The following GSK3B variants were observed in gnomAD, a reference collection of about 807,000 sequenced individuals.
GSK3B encodes the protein glycogen synthase kinase 3 beta.
A neutral mutation model predicts 56.4 loss-of-function variants in GSK3B; 15 were observed. That is an observed-to-expected ratio of 0.27 (90% CI 0.18 to 0.41). The LOEUF (loss-of-function observed/expected upper bound fraction) is 0.41. Among genes scored for constraint, GSK3B ranks in the 10% least tolerant of loss-of-function variants. The pLI is 1.00. For synonymous variants in GSK3B, 181 were observed against 188.9 expected (o/e 0.96, Z 0.34); for missense variants, 300 against 513.4 (o/e 0.58, Z 4.02).
At chr3:120,003,842 G>A (rs905759505) in intron 1 of GSK3B, among the ~76,000 whole-genome samples, 1 of 152,228 alleles carries the variant, frequency 6.6e-6, no homozygotes, top group Non-Finnish European at 1.5e-5. Context: ...GCAGAACACA[G>A]GTGATTTCTG....
intron 8 of GSK3B, among the ~76,000 whole-genome samples, chr3:119,865,466 A>T (rs28497238): frequency 0.016 from 552 of 34,124 alleles, 20 homozygotes; most frequent in East Asian, 0.029. Flanking sequence ...ATATATATAT[A>T]TTTTTTTTTT....
chr3:120,073,427 G>A, intron 1 of GSK3B, among the ~76,000 whole-genome samples: 1 of 151,906 alleles, frequency 6.6e-6, no homozygotes, highest in Non-Finnish European at 1.5e-5. Context: ...GCTCAAAACT[G>A]ATTTTGCAAT....
chr3:120,014,818 G>A (rs2057810103), intron 1 of GSK3B, among the ~76,000 whole-genome samples: 1 of 152,188 alleles, frequency 6.6e-6, no homozygotes, highest in East Asian at 1.9e-4. Context: ...CTGGCTTCCG[G>A]AGATGTTTAC....
intron 8 of GSK3B, among the ~76,000 whole-genome samples, chr3:119,864,104 C>T (rs1452779185): frequency 6.6e-6 from 1 of 152,018 alleles, no homozygotes; most frequent in Admixed American, 6.6e-5. Flanking sequence ...GTATTATTTC[C>T]AATAAACAGA....
At chr3:119,968,529 C>CA (rs2057339301) in intron 2 of GSK3B, among the ~76,000 whole-genome samples, 1 of 152,114 alleles carries the variant, frequency 6.6e-6, no homozygotes, top group Non-Finnish European at 1.5e-5. Flanking sequence ...ATCACATCAA[C>CA]AAGCTAAGGA....
At position 120,093,487 on chromosome 3, in the gene GSK3B, T is replaced by G. The variant is rs200198483; in HGVS notation, c.-53A>C. The stretch of plus-strand genomic sequence containing the variant: ...CCTTCCTTCCTCCTTTTCTTCCTTT[T>G]GTCTTTATGTTGGGGTGTTAGGTTA... On this transcript the variant is annotated 5_prime_UTR_variant, in exon 1 of 11. Transcript: ENST00000264235. 2,173 of 1,184,782 alleles carry G rather than the reference T, an allele frequency of 1.8e-3. 3 individuals are homozygous for G. The highest frequency in any genetic ancestry group is 2.0e-3 in the Non-Finnish European group (1,613 of 790,024). The allele number at this position is 1,184,782 out of a possible 1,614,324, so 73.4% of individuals were successfully genotyped here.
intron 7 of GSK3B, among the ~76,000 whole-genome samples, chr3:119,904,408 A>C (rs1051869264): frequency 5.9e-5 from 9 of 152,234 alleles, no homozygotes; most frequent in Non-Finnish European, 1.3e-4. Flanking sequence ...AGGAAACTCA[A>C]AAATGGTACC....
intron 3 of GSK3B, among the ~76,000 whole-genome samples, chr3:119,929,917 A>AAATAAT (rs1559841358): frequency 3.8e-5 from 5 of 132,870 alleles, no homozygotes; most frequent in Non-Finnish European, 6.2e-5. Flanking sequence ...AAAAAAAAAA[A>AAATAAT]AATAATAATA....
intron 1 of GSK3B, among the ~76,000 whole-genome samples, chr3:120,053,876 C>T (rs892769306): frequency 1.2e-4 from 18 of 152,172 alleles, no homozygotes; most frequent in Admixed American, 1.0e-3. Context: ...ACCATGATTG[C>T]GAGGCCTTCC....
At chr3:119,927,800 T>C (rs2056902598) in intron 3 of GSK3B, among the ~76,000 whole-genome samples, 1 of 151,598 alleles carries the variant, frequency 6.6e-6, no homozygotes, top group South Asian at 2.1e-4. Context: ...TATGGAATCC[T>C]GAAAAACACT....
intron 1 of GSK3B, among the ~76,000 whole-genome samples, chr3:120,044,771 G>A (rs1211242957): frequency 6.6e-6 from 1 of 152,188 alleles, no homozygotes; most frequent in Non-Finnish European, 1.5e-5. Flanking sequence ...AGAATGGCTT[G>A]GAAAAACAGA....
At chr3:119,898,569 C>T (rs1469150431) in intron 7 of GSK3B, among the ~76,000 whole-genome samples, 2 of 152,054 alleles carry the variant, frequency 1.3e-5, no homozygotes, top group African/African-American at 2.4e-5. Flanking sequence ...ATCAAGTTGA[C>T]ATTAAGGATC....
intron 10 of GSK3B, among the ~76,000 whole-genome samples, chr3:119,833,963 G>T (rs574983905): frequency 3.9e-5 from 6 of 152,066 alleles, no homozygotes; most frequent in Non-Finnish European, 7.4e-5. Context: ...CTCCCAAAGT[G>T]CTGGGATTGT....
At chr3:119,935,213 A>G (rs544029423) in intron 3 of GSK3B, among the ~76,000 whole-genome samples, 1 of 152,164 alleles carries the variant, frequency 6.6e-6, no homozygotes, top group Non-Finnish European at 1.5e-5. Context: ...AACCACTTTA[A>G]TAAGACATCA....
chr3:119,887,439 G>C (rs560857584), intron 7 of GSK3B, among the ~76,000 whole-genome samples: 1 of 151,906 alleles, frequency 6.6e-6, no homozygotes, highest in Non-Finnish European at 1.5e-5. Context: ...ATAACAAGGA[G>C]AGAAATAGAA....
Position 119,826,515 on chromosome 3 carries a change from G to T in GSK3B, c.*273C>A, listed in dbSNP as rs994198711. On this transcript the variant is annotated 3_prime_UTR_variant, in exon 11 of 11. Coordinates refer to ENST00000264235, the MANE Select transcript of GSK3B (RefSeq NM_001146156.2). ...AATAAAAAAAGATTGTCGTGGGAGA[G>T]AGATTGTATGTTCTAGTGCTCCGCT... 3.5e-6 allele frequency: 2 copies of T among 564,124 alleles called. No homozygotes were observed. The highest frequency in any genetic ancestry group is 3.7e-5 in the African/African-American group (2 of 53,342). 34.9% of individuals were successfully genotyped at this position (564,124 alleles called of 1,614,324 possible).
At chr3:119,969,773 C>T (rs1485496079) in intron 2 of GSK3B, among the ~76,000 whole-genome samples, 1 of 152,168 alleles carries the variant, frequency 6.6e-6, no homozygotes, top group Non-Finnish European at 1.5e-5. Context: ...AAACATTTAT[C>T]CACGGTTTCA....
intron 1 of GSK3B, among the ~76,000 whole-genome samples, chr3:120,070,654 C>A (rs2058319496): frequency 6.6e-6 from 1 of 152,112 alleles, no homozygotes; most frequent in Non-Finnish European, 1.5e-5. Context: ...ACACAGAGTT[C>A]ATCTATTAAT....
chr3:119,855,943 G>A (rs9990259), intron 9 of GSK3B, among the ~76,000 whole-genome samples: 8,297 of 152,164 alleles, frequency 0.055, 244 homozygotes, highest in African/African-American at 0.072. Flanking sequence ...AAACCTGCAC[G>A]TTGTGCACAT....
Sources: allele counts gnomAD v4.1 joint callset (sites outside exome capture counted in the v4.1 genomes callset), GRCh38; gene constraint gnomAD v4.1.1; transcripts MANE v1.5; gene names NCBI Gene and HGNC (gene_info 2026-07-23, HGNC 2026-07-21).